Variants in IL1RAPL2 observed in about 807,000 individuals in gnomAD.
The protein encoded by IL1RAPL2 is interleukin 1 receptor accessory protein like 2.
IL1RAPL2 carries 3 observed loss-of-function variants against 44.1 expected under a neutral mutation model. The ratio of observed to expected loss-of-function variants is 0.07; its 90% CI spans 0.03 to 0.18. IL1RAPL2 has a LOEUF of 0.18. IL1RAPL2 is among the 10% of genes least tolerant of loss of function. The probability of loss-of-function intolerance (pLI) is 1.00; values close to 1 mark genes in which losing one functional copy is unlikely to be tolerated. For synonymous variants in IL1RAPL2, 181 were observed against 178.8 expected, an observed-to-expected ratio of 1.01 and a Z score of -0.10; for missense variants, 391 against 496.4, an observed-to-expected ratio of 0.79 and a Z score of 2.02.
chrX:105,075,834 G>T (rs36184991), intron 2 of IL1RAPL2, among the ~76,000 whole-genome samples: 2 of 111,897 alleles, frequency 1.8e-5, no homozygotes, highest in Non-Finnish European at 3.8e-5. Flanking sequence ...TTGTGTAGAG[G>T]TGTTTATGGT....
In IL1RAPL2 at chrX:104,901,088, CTTTG is replaced by C. The variant is rs994641019; in HGVS notation, c.82+242100_82+242103del. ...CTTACTTTAGGTCCTTCTATTATTC[CTTTG>C]TTTGTTCATTCAATATTAATATACC... is the stretch of plus-strand genomic sequence containing the variant. On this transcript the variant is annotated intron_variant, in intron 2 of 10. Coordinates refer to ENST00000372582, the MANE Select transcript of IL1RAPL2 (RefSeq NM_017416.2). 1.9e-4 allele frequency among the ~76,000 whole-genome samples: 21 copies of C among 109,946 alleles called. 1 individual carries two copies. The highest frequency in any genetic ancestry group is 4.9e-4 in the Admixed American group (5 of 10,263).
intron 1 of IL1RAPL2, among the ~76,000 whole-genome samples, chrX:104,602,907 A>C (rs1928915582): frequency 8.9e-6 from 1 of 111,946 alleles, no homozygotes; most frequent in Non-Finnish European, 1.9e-5. Flanking sequence ...AAGCTTCAGC[A>C]GACTTAAATG....
chrX:105,176,341 A>G (rs1961319675), intron 2 of IL1RAPL2, among the ~76,000 whole-genome samples: 1 of 111,364 alleles, frequency 9.0e-6, no homozygotes, highest in African/African-American at 3.3e-5. Flanking sequence ...CTACAGAGAC[A>G]CAAGTTATAC....
chrX:105,041,655 G>A (rs1002586790), intron 2 of IL1RAPL2, among the ~76,000 whole-genome samples: 7 of 109,106 alleles, frequency 6.4e-5, no homozygotes, highest in Non-Finnish European at 1.3e-4. Flanking sequence ...TACTGCCCAA[G>A]GTAATTTATA....
intron 1 of IL1RAPL2, among the ~76,000 whole-genome samples, chrX:104,573,456 A>G (rs769035961): frequency 1.8e-5 from 2 of 112,137 alleles, no homozygotes; most frequent in South Asian, 7.4e-4. Flanking sequence ...TTATACAACA[A>G]TGGTTCTCAA....
intron 2 of IL1RAPL2, among the ~76,000 whole-genome samples, chrX:104,960,722 C>G (rs867941262): frequency 6.1e-4 from 68 of 110,664 alleles, no homozygotes; most frequent in African/African-American, 2.1e-3. Flanking sequence ...CCCCTCCTCC[C>G]TCCAAGTATC....
At chrX:105,366,412 T>C (rs1226623658) in intron 5 of IL1RAPL2, among the ~76,000 whole-genome samples, 3 of 110,789 alleles carry the variant, frequency 2.7e-5, no homozygotes, top group Admixed American at 1.9e-4. Flanking sequence ...TTGGGCTTAG[T>C]GTATGATTTT....
At chrX:105,462,982 A>G (rs1471582531) in intron 5 of IL1RAPL2, among the ~76,000 whole-genome samples, 1 of 111,467 alleles carries the variant, frequency 9.0e-6, no homozygotes, top group Non-Finnish European at 1.9e-5. Context: ...TTTCTGTCTG[A>G]TATCATGAAA....
At position 105,190,147 on chromosome X, in the gene IL1RAPL2, G is replaced by A. The variant is rs782424287; in HGVS notation, c.83-5328G>A. Among the ~76,000 whole-genome samples the A allele has an allele frequency of 2.7e-5, 3 of 111,118 alleles. No homozygotes were observed. In the East Asian group the frequency reaches 8.5e-4, roughly 31 times the overall value. Reference sequence around the variant, plus strand: ...TGCAAAACACCTAGCACAGTTCTTGGATGTTCTATTCTAAGGGCTCAATGA... The same window carrying A: ...TGCAAAACACCTAGCACAGTTCTTGAATGTTCTATTCTAAGGGCTCAATGA... On this transcript the variant is annotated intron_variant, in intron 2 of 10. Coordinates refer to ENST00000372582, the MANE Select transcript of IL1RAPL2 (RefSeq NM_017416.2).
At chrX:105,102,103 G>A (rs2032678732) in intron 2 of IL1RAPL2, among the ~76,000 whole-genome samples, 2 of 111,802 alleles carry the variant, frequency 1.8e-5, no homozygotes, top group South Asian at 3.7e-4. Context: ...TCTAGTTTTC[G>A]AGAGTAGTCA....
intron 5 of IL1RAPL2, among the ~76,000 whole-genome samples, chrX:105,350,816 A>G (rs963971796): frequency 8.9e-6 from 1 of 112,400 alleles, no homozygotes; most frequent in Non-Finnish European, 1.9e-5. Flanking sequence ...AGGAAAAGAA[A>G]CTATCCTCAG....
chrX:104,870,504 A>G (rs1329225514), intron 2 of IL1RAPL2, among the ~76,000 whole-genome samples: 2 of 112,474 alleles, frequency 1.8e-5, no homozygotes, highest in African/African-American at 6.4e-5. Context: ...ACCAAGAATC[A>G]GAGATGTTAA....
intron 2 of IL1RAPL2, among the ~76,000 whole-genome samples, chrX:105,003,783 A>T (rs143291287): frequency 9.1e-6 from 1 of 110,272 alleles, no homozygotes; most frequent in Admixed American, 9.8e-5. Flanking sequence ...TGTCTTCCCC[A>T]TTCCCCACCT....
chrX:105,505,651 A>G (rs2036426219), intron 6 of IL1RAPL2, among the ~76,000 whole-genome samples: 1 of 111,505 alleles, frequency 9.0e-6, no homozygotes, highest in Non-Finnish European at 1.9e-5. Flanking sequence ...TGGAGATAGG[A>G]GTGGTGTGAA....
intron 2 of IL1RAPL2, among the ~76,000 whole-genome samples, chrX:104,834,362 G>T (rs1370789846): frequency 9.0e-6 from 1 of 111,127 alleles, no homozygotes; most frequent in African/African-American, 3.3e-5. Flanking sequence ...CACCCTTTCT[G>T]GTCATTTATC....
At chrX:105,400,159 A>C (rs762657970) in intron 5 of IL1RAPL2, among the ~76,000 whole-genome samples, 3 of 111,270 alleles carry the variant, frequency 2.7e-5, no homozygotes, top group African/African-American at 9.8e-5. Context: ...CATATCCTAC[A>C]ACATTCTTGG....
chrX:105,534,648 A>G (rs1329374104), intron 6 of IL1RAPL2, among the ~76,000 whole-genome samples: 2 of 112,226 alleles, frequency 1.8e-5, no homozygotes, highest in Non-Finnish European at 3.8e-5. Flanking sequence ...TGTATTGGCA[A>G]AGGGATACAT....
At chrX:105,110,095 G>A (rs1357421547) in intron 2 of IL1RAPL2, among the ~76,000 whole-genome samples, 2 of 111,858 alleles carry the variant, frequency 1.8e-5, no homozygotes, top group African/African-American at 6.5e-5. Context: ...AGACATATAC[G>A]AAAGCCTTTG....
intron 2 of IL1RAPL2, among the ~76,000 whole-genome samples, chrX:104,996,777 A>G (rs1327231339): frequency 8.9e-6 from 1 of 111,753 alleles, no homozygotes; most frequent in African/African-American, 3.3e-5. Flanking sequence ...GTGAAAGACA[A>G]GAAAATATCA....
Sources: gnomAD v4.1 joint callset for allele counts (sites outside exome capture counted in the v4.1 genomes callset) on GRCh38, gnomAD v4.1.1 for gene constraint, MANE v1.5 for transcripts, NCBI Gene and HGNC (gene_info 2026-07-23, HGNC 2026-07-21) for gene names.